The following ACTR3 variants were observed in gnomAD, a reference collection of about 807,000 sequenced individuals.
ACTR3 encodes actin related protein 3, also known as actin-related protein 3.
A neutral mutation model predicts 56.8 loss-of-function variants in ACTR3; 12 were observed. The observed-to-expected ratio is 0.21, with a 90% CI of 0.14 to 0.34. ACTR3 has a LOEUF of 0.34. Ranked by LOEUF, ACTR3 falls within the 10% of genes least tolerant of loss-of-function variation. The probability of loss-of-function intolerance (pLI) is 1.00; values close to 1 mark genes in which losing one functional copy is unlikely to be tolerated. For missense variants in ACTR3, 282 were observed against 512.5 expected (o/e 0.55, Z 4.34); for synonymous variants, 162 against 167.4 (o/e 0.97, Z 0.25).
intron 1 of ACTR3, chr2:113,904,319 A>G (rs973785108): frequency 2.0e-5 from 3 of 152,014 alleles, no homozygotes; most frequent in African/African-American, 7.3e-5. Context: ...TTACAGGTCT[A>G]TGTTAATACT....
intron 1 of ACTR3, among the ~76,000 whole-genome samples, chr2:113,902,182 G>C (rs1324032384): frequency 6.6e-6 from 1 of 151,974 alleles, no homozygotes; most frequent in Non-Finnish European, 1.5e-5. Flanking sequence ...TGACAGACTC[G>C]CCTTTTTTTT....
chr2:113,893,190 A>T (rs193061127), intron 1 of ACTR3, among the ~76,000 whole-genome samples: 2 of 152,292 alleles, frequency 1.3e-5, no homozygotes, highest in Admixed American at 6.5e-5. Context: ...AACATTTTTT[A>T]AAAAAACATT....
intron 3 of ACTR3, among the ~76,000 whole-genome samples, chr2:113,919,826 G>A (rs1679474867): frequency 6.6e-6 from 1 of 151,732 alleles, no homozygotes; most frequent in South Asian, 2.1e-4. Context: ...CTCACTCACT[G>A]CAGCCTCAAA....
chr2:113,919,200 T>C (rs1275117696), intron 3 of ACTR3, among the ~76,000 whole-genome samples: 1 of 152,226 alleles, frequency 6.6e-6, no homozygotes, highest in African/African-American at 2.4e-5. Flanking sequence ...CACCTTAATT[T>C]AGTATGCAGT....
chr2:113,909,399 T>G (rs1459820470), intron 1 of ACTR3, among the ~76,000 whole-genome samples: 1 of 152,170 alleles, frequency 6.6e-6, no homozygotes, highest in Non-Finnish European at 1.5e-5. Context: ...GGTAAGCTGG[T>G]TAAATGAATG....
chr2:113,913,315 A>T, intron 2 of ACTR3, 88 bp downstream of exon 2: 1 of 1,004,554 alleles, frequency 1.0e-6, no homozygotes, highest in South Asian at 1.7e-5. Context: ...CAGTTCTGAA[A>T]TCCTAAAAGA....
chr2:113,940,640 C>CT (rs1679907067), intron 7 of ACTR3, among the ~76,000 whole-genome samples: 1 of 151,978 alleles, frequency 6.6e-6, no homozygotes, highest in Non-Finnish European at 1.5e-5. Context: ...TATCAAAATA[C>CT]TTTAGCATCG....
At chr2:113,903,457 C>T (rs898279059) in intron 1 of ACTR3, among the ~76,000 whole-genome samples, 7 of 152,070 alleles carry the variant, frequency 4.6e-5, no homozygotes, top group South Asian at 2.1e-4. Context: ...ACCTCTGTCT[C>T]CCAGGTTCAG....
intron 6 of ACTR3, among the ~76,000 whole-genome samples, chr2:113,936,263 A>G (rs1338969056): frequency 3.6e-5 from 5 of 138,036 alleles, no homozygotes; most frequent in Non-Finnish European, 7.5e-5. Context: ...ACTGCACTCT[A>G]GCTTCTCTAG....
intron 8 of ACTR3, among the ~76,000 whole-genome samples, chr2:113,950,064 C>T (rs1005266236): frequency 1.3e-5 from 2 of 152,136 alleles, no homozygotes; most frequent in African/African-American, 4.8e-5. Context: ...AGCTATTGCT[C>T]CTAGGGGAAA....
chr2:113,954,148 T>G (rs1469937996), intron 10 of ACTR3: 1 of 152,228 alleles, frequency 6.6e-6, no homozygotes, highest in Non-Finnish European at 1.5e-5. Context: ...ATTGTATCAG[T>G]AGACACATGA....
At chr2:113,934,194 A>C (rs1306176214) in intron 5 of ACTR3, 85 bp from the exon 6 acceptor site, 20 of 820,220 alleles carry the variant, frequency 2.4e-5, no homozygotes, top group African/African-American at 3.6e-5. Flanking sequence ...ACTCCAGGGA[A>C]CTAGTTTTTT....
chr2:113,893,198 A>G (rs943218076), intron 1 of ACTR3, among the ~76,000 whole-genome samples: 1 of 152,084 alleles, frequency 6.6e-6, no homozygotes, highest in Admixed American at 6.5e-5. Context: ...TTAAAAAAAC[A>G]TTGTAACACT....
At chr2:113,901,554 A>G (rs917746667) in intron 1 of ACTR3, among the ~76,000 whole-genome samples, 2 of 152,228 alleles carry the variant, frequency 1.3e-5, no homozygotes, top group Admixed American at 1.3e-4. Context: ...TTTTTATGAT[A>G]TGGTAAGAGT....
rs1209619732 is a variant in ACTR3, at chr2:113,958,128, CAA to C, written c.*674_*675del. ...TCTTGCTTTAAAAGAAGAGTAAAGA[CAA>C]GAGTGTTGGACCAGTATTGCAGTTC... On this transcript the variant is annotated 3_prime_UTR_variant, in exon 12 of 12. Coordinates refer to ENST00000263238, the MANE Select transcript of ACTR3 (RefSeq NM_005721.5). 2 of 152,664 alleles carry C rather than the reference CAA, an allele frequency of 1.3e-5. No individual in the cohort carries two copies. The highest frequency in any genetic ancestry group is 2.4e-5 in the African/African-American group (1 of 41,558). 9.5% of individuals were successfully genotyped at this position (152,664 alleles called of 1,614,324 possible).
chr2:113,897,885 C>G (rs539001184), intron 1 of ACTR3, among the ~76,000 whole-genome samples: 1 of 152,062 alleles, frequency 6.6e-6, no homozygotes, highest in Non-Finnish European at 1.5e-5. Flanking sequence ...TTCCTCCTGC[C>G]GAAGGACATT....
intron 1 of ACTR3, among the ~76,000 whole-genome samples, chr2:113,894,897 C>T (rs1298095878): frequency 6.6e-6 from 1 of 152,112 alleles, no homozygotes; most frequent in African/African-American, 2.4e-5. Context: ...ACTCCGGGGA[C>T]TCCTGACTGC....
Position 113,957,611 on chromosome 2 carries a change from C to T in ACTR3, c.*156C>T, listed in dbSNP as rs981259146. ...CAGGAATATTTTAATAAGTGTATCA[C>T]CATGCAGATGTAGAAGAGAGCGAAA... On this transcript the variant is annotated 3_prime_UTR_variant, in exon 12 of 12. Transcript: ENST00000263238. The T allele has an allele frequency of 1.8e-6, 1 of 550,964 alleles. No homozygotes were observed. Among genetic ancestry groups the T allele is most frequent in the African/African-American group, 1.9e-5 (1 of 53,534 alleles). The allele number at this position is 550,964 out of a possible 1,614,324, so 34.1% of individuals were successfully genotyped here.
intron 11 of ACTR3, among the ~76,000 whole-genome samples, chr2:113,956,377 A>T (rs1365001302): frequency 7.0e-6 from 1 of 141,924 alleles, no homozygotes; most frequent in African/African-American, 2.6e-5. Flanking sequence ...TTTGAATTTA[A>T]TTTTTTTTTT....
Sources: allele counts gnomAD v4.1 joint callset (sites outside exome capture counted in the v4.1 genomes callset), GRCh38; gene constraint gnomAD v4.1.1; transcripts MANE v1.5; gene names NCBI Gene and HGNC (gene_info 2026-07-23, HGNC 2026-07-21).